The following SEMA6D variants were observed in gnomAD, a reference collection of about 807,000 sequenced individuals.
SEMA6D encodes the protein semaphorin 6D.
SEMA6D carries 35 observed loss-of-function variants against 106.6 expected under a neutral mutation model. The observed-to-expected ratio is 0.33, with a 90% CI of 0.25 to 0.44. SEMA6D has a LOEUF of 0.44. Among genes scored for constraint, SEMA6D ranks in the 20% least tolerant of loss-of-function variants. SEMA6D has a pLI of 1.00. For missense variants in SEMA6D, 1,185 were observed against 1,345.9 expected, an observed-to-expected ratio of 0.88 and a Z score of 1.87; for synonymous variants, 499 against 487.7, an observed-to-expected ratio of 1.02 and a Z score of -0.31.
intron 9 of SEMA6D, among the ~76,000 whole-genome samples, chr15:47,763,384 C>CT (rs1401302827): frequency 1.3e-5 from 2 of 152,026 alleles, no homozygotes; most frequent in African/African-American, 2.4e-5. Flanking sequence ...GCTACGGATG[C>CT]TTTTTTTACT....
chr15:47,533,243 A>G (rs2045035827), intron 3 of SEMA6D, among the ~76,000 whole-genome samples: 1 of 152,210 alleles, frequency 6.6e-6, no homozygotes, highest in Admixed American at 6.5e-5. Flanking sequence ...TCAAAAAGAA[A>G]GCATGAATCT....
At chr15:47,400,856 G>A (rs1459957313) in intron 1 of SEMA6D, among the ~76,000 whole-genome samples, 2 of 152,178 alleles carry the variant, frequency 1.3e-5, no homozygotes, top group Non-Finnish European at 2.9e-5. Flanking sequence ...TCATGCTGTG[G>A]GGTGAAATAA....
chr15:47,366,642 G>T (rs1388070280), intron 1 of SEMA6D, among the ~76,000 whole-genome samples: 1 of 152,184 alleles, frequency 6.6e-6, no homozygotes, highest in African/African-American at 2.4e-5. Context: ...TTGGTCTTGA[G>T]GGATGAGTTG....
chr15:47,770,073 T>C (rs960937012), intron 18 of SEMA6D, among the ~76,000 whole-genome samples: 11 of 152,234 alleles, frequency 7.2e-5, no homozygotes, highest in Non-Finnish European at 1.6e-4. Flanking sequence ...TTATGCTAAT[T>C]ATTACATTTT....
chr15:47,343,811 A>G lies in SEMA6D; in HGVS notation c.-238-68582A>G, dbSNP rs963240782. Among the ~76,000 whole-genome samples the G allele has an allele frequency of 5.3e-5, 8 of 152,236 alleles. No individual in the cohort carries two copies. In the South Asian group the frequency reaches 8.3e-4, roughly 16 times the overall value. On this transcript the variant is annotated intron_variant, in intron 1 of 19. Transcript: ENST00000558014. The stretch of plus-strand genomic sequence containing the variant: ...TGGGTCAAATGGTATTTCTAGTTAT[A>G]TGGGAGAAAATTTTTGCAACCTACT...
chr15:47,268,890 C>CT (rs1044355974), intron 1 of SEMA6D, among the ~76,000 whole-genome samples: 2 of 151,992 alleles, frequency 1.3e-5, no homozygotes, highest in African/African-American at 4.8e-5. Context: ...TGAATTTTTG[C>CT]TTTTTTTCCC....
intron 3 of SEMA6D, among the ~76,000 whole-genome samples, chr15:47,582,250 C>T (rs918454994): frequency 3.3e-5 from 5 of 152,200 alleles, no homozygotes; most frequent in African/African-American, 1.2e-4. Flanking sequence ...GTCCAGAGTG[C>T]TCCTTGCTTT....
At chr15:47,232,794 G>A (rs1313145671) in intron 1 of SEMA6D, among the ~76,000 whole-genome samples, 4 of 151,768 alleles carry the variant, frequency 2.6e-5, no homozygotes, top group Admixed American at 2.0e-4. Flanking sequence ...TGTGATTATT[G>A]TTGAGCTGTA....
intron 1 of SEMA6D, among the ~76,000 whole-genome samples, chr15:47,733,261 G>C (rs956143440): frequency 6.6e-6 from 1 of 152,020 alleles, no homozygotes; most frequent in African/African-American, 2.4e-5. Flanking sequence ...CTGGCTCCGA[G>C]TCCTCCTTCA....
intron 1 of SEMA6D, among the ~76,000 whole-genome samples, chr15:47,225,773 G>A (rs539803688): frequency 1.3e-4 from 19 of 151,904 alleles, no homozygotes; most frequent in East Asian, 1.9e-4. Context: ...CAGGTAATCC[G>A]CCCACCATGG....
chr15:47,673,205 A>G (rs2078172165), intron 4 of SEMA6D, among the ~76,000 whole-genome samples: 1 of 152,224 alleles, frequency 6.6e-6, no homozygotes, highest in African/African-American at 2.4e-5. Context: ...TTGCAAGAGT[A>G]AAATCTGTAC....
chr15:47,597,502 T>G (rs978536375), intron 3 of SEMA6D, among the ~76,000 whole-genome samples: 1 of 152,008 alleles, frequency 6.6e-6, no homozygotes, highest in African/African-American at 2.4e-5. Flanking sequence ...AAAGAAAATG[T>G]GATATATATA....
chr15:47,196,807 A>G (rs907063903), intron 1 of SEMA6D, among the ~76,000 whole-genome samples: 2 of 152,206 alleles, frequency 1.3e-5, no homozygotes, highest in African/African-American at 4.8e-5. Flanking sequence ...AGCTACTGGC[A>G]CGAGGCTACA....
intron 1 of SEMA6D, among the ~76,000 whole-genome samples, chr15:47,394,690 T>C (rs2145873869): frequency 6.6e-6 from 1 of 152,290 alleles, no homozygotes; most frequent in African/African-American, 2.4e-5. Flanking sequence ...TCTGCAGTCT[T>C]CACTAGCCAT....
intron 3 of SEMA6D, among the ~76,000 whole-genome samples, chr15:47,546,099 G>A (rs1321448084): frequency 6.6e-6 from 1 of 152,116 alleles, no homozygotes; most frequent in Middle Eastern, 3.2e-3. Context: ...AGCCCTACTG[G>A]AAGGGGTAGG....
At chr15:47,270,152 A>G (rs1342170700) in intron 1 of SEMA6D, among the ~76,000 whole-genome samples, 1 of 148,174 alleles carries the variant, frequency 6.7e-6, no homozygotes, top group East Asian at 1.9e-4. Flanking sequence ...ATATAATAAA[A>G]TATGTTATAA....
At chr15:47,710,824 G>C (rs2079002542) in intron 4 of SEMA6D, among the ~76,000 whole-genome samples, 1 of 152,146 alleles carries the variant, frequency 6.6e-6, no homozygotes, top group Admixed American at 6.5e-5. Flanking sequence ...GGCAAATTCT[G>C]TGAGGCTCCT....
chr15:47,416,271 A>G (rs1265030021), intron 2 of SEMA6D, among the ~76,000 whole-genome samples: 1 of 152,018 alleles, frequency 6.6e-6, no homozygotes, highest in Non-Finnish European at 1.5e-5. Flanking sequence ...ATTTCTACCA[A>G]TTTGTTCTCC....
intron 3 of SEMA6D, among the ~76,000 whole-genome samples, chr15:47,484,371 A>G (rs2043234546): frequency 6.6e-6 from 1 of 152,100 alleles, no homozygotes; most frequent in South Asian, 2.1e-4. Context: ...ATTTAGGGAC[A>G]CTTCCTGTGT....
Sources: allele counts gnomAD v4.1 joint callset (sites outside exome capture counted in the v4.1 genomes callset), GRCh38; gene constraint gnomAD v4.1.1; transcripts MANE v1.5; gene names NCBI Gene and HGNC (gene_info 2026-07-23, HGNC 2026-07-21).